Variants in ATP8B4 observed in about 807,000 individuals in gnomAD.
The protein encoded by ATP8B4 is ATPase phospholipid transporting 8B4 (putative).
ATP8B4 carries 133 observed loss-of-function variants against 145.6 expected under a neutral mutation model. The observed-to-expected ratio is 0.91, with a 90% confidence interval of 0.79 to 1.05. The LOEUF (loss-of-function observed/expected upper bound fraction) is 1.05, where lower values mean the gene tolerates loss of function less well. Among genes scored for constraint, ATP8B4 ranks in the 50% least tolerant of loss-of-function variants. The pLI is 0.00. For synonymous variants in ATP8B4, 507 were observed against 492.9 expected (o/e 1.03, Z -0.38); for missense variants, 1,458 against 1,425.2 (o/e 1.02, Z -0.37).
At chr15:50,170,522 T>G (rs901053222) in intron 1 of ATP8B4, among the ~76,000 whole-genome samples, 3 of 128,534 alleles carry the variant, frequency 2.3e-5, no homozygotes. Context: ...CAAGAACTGC[T>G]AAAGGGAGCC....
intron 19 of ATP8B4, among the ~76,000 whole-genome samples, chr15:49,917,703 T>TA (rs2153451933): frequency 6.6e-6 from 1 of 152,328 alleles, no homozygotes; most frequent in South Asian, 2.1e-4. Context: ...TAACTCCTTC[T>TA]ATCTAATAGA....
chr15:49,904,088 C>T (rs1450418130), intron 20 of ATP8B4, among the ~76,000 whole-genome samples: 1 of 152,076 alleles, frequency 6.6e-6, no homozygotes, highest in Non-Finnish European at 1.5e-5. Context: ...CTTGATTAGC[C>T]AGCGACAGAT....
intron 1 of ATP8B4, among the ~76,000 whole-genome samples, chr15:50,144,772 T>C (rs933853): frequency 0.99 from 150,191 of 151,938 alleles, 74,252 homozygotes; most frequent in East Asian, 1. Flanking sequence ...TACATCTTTC[T>C]TCCTATCCAC....
chr15:50,051,975 T>C (rs1413260760), intron 3 of ATP8B4, among the ~76,000 whole-genome samples: 1 of 152,228 alleles, frequency 6.6e-6, no homozygotes, highest in Non-Finnish European at 1.5e-5. Context: ...TAGTCACAGA[T>C]GATGAAAACC....
chr15:50,150,210 G>A (rs1056056208), intron 1 of ATP8B4, among the ~76,000 whole-genome samples: 1 of 152,188 alleles, frequency 6.6e-6, no homozygotes, highest in African/African-American at 2.4e-5. Context: ...GAGTTGCTGG[G>A]CAAATGTCCA....
At chr15:49,889,697 A>T (rs2036589379) in intron 23 of ATP8B4, among the ~76,000 whole-genome samples, 1 of 152,206 alleles carries the variant, frequency 6.6e-6, no homozygotes, top group Admixed American at 6.5e-5. Context: ...AATCTGCTGG[A>T]GCTCTCATCA....
chr15:49,901,228 T>C lies in ATP8B4; in HGVS notation c.2153A>G (p.Gln718Arg). ...EVREELRKAK[Q>R]NLFGQNRNFS... is the part of the protein sequence containing the mutation. ...ATTTCTGTTTTGTCCAAACAAATTT[T>C]GTTTTGCTTTCCTTAAAGGAGAGGG... is the stretch of plus-strand genomic sequence containing the variant. Residue 718 changes from glutamine to arginine, a missense_variant, in exon 21 of 28, where the codon CAA becomes CGA. Physicochemically the swap from Gln to Arg is conservative, Grantham distance 43. Coordinates refer to ENST00000284509, the MANE Select transcript of ATP8B4 (RefSeq NM_024837.4). 6.2e-7 allele frequency: 1 copy of C among 1,613,368 alleles called. No homozygotes were observed.
rs1233036196 is a variant in ATP8B4, at chr15:50,178,943, G to A, written c.-43+3318C>T. Among the ~76,000 whole-genome samples, 7 of 151,994 alleles carry A rather than the reference G, an allele frequency of 4.6e-5. No homozygotes were observed. In the East Asian group the frequency reaches 7.7e-4, roughly 17 times the overall value. On this transcript the variant is annotated intron_variant, in intron 1 of 3. Transcript: ENST00000558829. The stretch of plus-strand genomic sequence containing the variant: ...TATTTTGAGTCCCTAACTTGGTTTC[G>A]AAATATAACACGGGACTAAGAAATT...
intron 1 of ATP8B4, among the ~76,000 whole-genome samples, chr15:50,138,318 ATAGATAGG>A (rs1391503108): frequency 4.0e-4 from 50 of 125,846 alleles, no homozygotes; most frequent in Non-Finnish European, 7.0e-4. Flanking sequence ...ATATAGATAG[ATAGATAGG>A]TAGATAGATA....
intron 2 of ATP8B4, among the ~76,000 whole-genome samples, chr15:50,102,872 A>C (rs900735998): frequency 2.0e-5 from 3 of 152,078 alleles, no homozygotes; most frequent in African/African-American, 7.2e-5. Context: ...AAATCCAACA[A>C]CATATCAAAA....
chr15:50,164,031 G>A (rs1468462259), intron 1 of ATP8B4, among the ~76,000 whole-genome samples: 1 of 152,102 alleles, frequency 6.6e-6, no homozygotes, highest in African/African-American at 2.4e-5. Context: ...TGGGCAGTGG[G>A]CTCCCCTGTG....
chr15:49,943,326 C>T (rs536191202), intron 14 of ATP8B4, among the ~76,000 whole-genome samples: 1 of 152,038 alleles, frequency 6.6e-6, no homozygotes, highest in East Asian at 1.9e-4. Context: ...TGCCTGATAA[C>T]TTCCCAACTC....
At chr15:49,878,831 CTG>C (rs975024708) in intron 24 of ATP8B4, among the ~76,000 whole-genome samples, 24 of 152,214 alleles carry the variant, frequency 1.6e-4, no homozygotes, top group African/African-American at 5.8e-4. Context: ...CTGTTCTGGG[CTG>C]TGTGTAACAA....
At chr15:49,963,458 A>G (rs2044261583) in intron 13 of ATP8B4, among the ~76,000 whole-genome samples, 1 of 152,224 alleles carries the variant, frequency 6.6e-6, no homozygotes, top group Admixed American at 6.5e-5. Flanking sequence ...AGATACACAC[A>G]CATACGTTCA....
At chr15:50,130,674 G>T (rs566331941) in intron 1 of ATP8B4, among the ~76,000 whole-genome samples, 351 of 152,166 alleles carry the variant, frequency 2.3e-3, no homozygotes, top group Middle Eastern at 0.01. Flanking sequence ...TACTCAGGAG[G>T]CTGAGGCAGG....
At chr15:50,094,579 T>C (rs2055834378) in intron 2 of ATP8B4, among the ~76,000 whole-genome samples, 1 of 149,258 alleles carries the variant, frequency 6.7e-6, no homozygotes, top group South Asian at 2.1e-4. Context: ...TAGGTGTATA[T>C]ACACATATAT....
At chr15:50,018,930 C>T in intron 6 of ATP8B4, 1 of 1,262,802 alleles carries the variant, frequency 7.9e-7, no homozygotes, top group Non-Finnish European at 1.0e-6. Context: ...CTTACAATTA[C>T]CAGAGTACTT....
Position 49,859,955 on chromosome 15 carries a change from C to A in ATP8B4, c.*239G>T. 2 of 452,446 alleles carry A rather than the reference C, an allele frequency of 4.4e-6. No homozygotes were observed. Among genetic ancestry groups the A allele is most frequent in the Non-Finnish European group, 3.8e-6 (1 of 261,330 alleles). The allele number at this position is 452,446 out of a possible 1,614,324, so 28.0% of individuals were successfully genotyped here. On this transcript the variant is annotated 3_prime_UTR_variant, in exon 28 of 28. Transcript: ENST00000284509. ...GATTTAAAAAAAAAAAAAATCTGTA[C>A]TTGTAACAGCGAGTGTTTTGTCCAC...
At chr15:50,133,915 C>G (rs553626641) in intron 1 of ATP8B4, among the ~76,000 whole-genome samples, 1 of 151,972 alleles carries the variant, frequency 6.6e-6, no homozygotes, top group African/African-American at 2.4e-5. Context: ...GCAGGAGGAT[C>G]GCTGAGGCCA....
Sources: gnomAD v4.1 joint callset for allele counts (sites outside exome capture counted in the v4.1 genomes callset) on GRCh38, gnomAD v4.1.1 for gene constraint, MANE v1.5 for transcripts, NCBI Gene and HGNC (gene_info 2026-07-23, HGNC 2026-07-21) for gene names.